ASH1L: variants seen among roughly 807,000 people sequenced by gnomAD.
The protein encoded by ASH1L is histone-lysine N-methyltransferase ASH1L.
ASH1L carries 23 observed loss-of-function variants against 269.0 expected under a neutral mutation model. That is an observed-to-expected ratio of 0.09 (90% CI 0.06 to 0.12). ASH1L has a LOEUF of 0.12. ASH1L is among the 10% of genes least tolerant of loss of function. The pLI, the probability that ASH1L is intolerant of heterozygous loss-of-function variation, is 1.00. For missense variants in ASH1L, 2,912 were observed against 3,567.8 expected, an observed-to-expected ratio of 0.82 and a Z score of 4.68; for synonymous variants, 1,187 against 1,253.5, an observed-to-expected ratio of 0.95 and a Z score of 1.12.
chr1:155,464,302 A>C (rs1428910138), intron 3 of ASH1L, among the ~76,000 whole-genome samples: 1 of 152,224 alleles, frequency 6.6e-6, no homozygotes, highest in Non-Finnish European at 1.5e-5. Flanking sequence ...ACAATTGTAG[A>C]TATCAAAGAG....
At position 155,478,682 on chromosome 1, in the gene ASH1L, T is replaced by C. The variant is rs745327064; in HGVS notation, c.4188A>G (p.Ile1396Met). ...YSPSPLTAAP[I>M]GLGYYGRYPP... ...GATACCTTCCATAGTAACCTAATCC[T>C]ATGGGAGCAGCTGTAAGGGGTGAAG... Residue 1396 changes from isoleucine to methionine, a missense_variant, in exon 3 of 28, where the codon ATA (isoleucine) becomes ATG (methionine). By Grantham distance (10) the Ile-to-Met change is conservative. Around this residue, in one of 13 missense-constraint regions of ASH1L, gnomAD observed 789 missense variants for 897.6 expected, o/e 0.88. Coordinates refer to ENST00000392403, the MANE Select transcript of ASH1L (RefSeq NM_018489.3). This position sits in a 1 kb window ranked among gnomAD's most constrained non-coding sequence, Gnocchi z 4.6. 1.7e-5 allele frequency: 27 copies of C among 1,613,962 alleles called. No homozygotes were observed. The highest frequency in any genetic ancestry group is 2.2e-5 in the Non-Finnish European group (26 of 1,179,986).
At chr1:155,503,642 G>A (rs1359351632) in intron 2 of ASH1L, among the ~76,000 whole-genome samples, 1 of 152,136 alleles carries the variant, frequency 6.6e-6, no homozygotes, top group Non-Finnish European at 1.5e-5. Context: ...GCATAATCCA[G>A]ATTATAGAAA....
rs1304555516 is a variant in ASH1L, at chr1:155,336,573, G to A, written c.*1087C>T. 6.6e-6 allele frequency: 1 copy of A among 152,626 alleles called. No individual in the cohort carries two copies. Among genetic ancestry groups the A allele is most frequent in the African/African-American group, 2.4e-5 (1 of 41,410 alleles). The allele number at this position is 152,626 out of a possible 1,614,324, so 9.5% of individuals were successfully genotyped here. ...TCTGGTCAAGAGAGTAGGAAGGAAG[G>A]AGACACCCTGGATATACCTCCTGAT... On this transcript the variant is annotated 3_prime_UTR_variant, in exon 28 of 28. Coordinates refer to ENST00000392403, the MANE Select transcript of ASH1L (RefSeq NM_018489.3).
chr1:155,472,999 T>C (rs1665223523), intron 3 of ASH1L, among the ~76,000 whole-genome samples: 1 of 152,156 alleles, frequency 6.6e-6, no homozygotes, highest in Non-Finnish European at 1.5e-5. Context: ...TTCACAAAGG[T>C]ATACAGTATG....
At chr1:155,511,170 T>G (rs2148818111) in intron 2 of ASH1L, among the ~76,000 whole-genome samples, 1 of 152,330 alleles carries the variant, frequency 6.6e-6, no homozygotes, top group South Asian at 2.1e-4. Flanking sequence ...ACGAATATAC[T>G]GAAAATGTCT....
Position 155,480,783 on chromosome 1 carries a change from A to G in ASH1L, c.2087T>C (p.Val696Ala), listed in dbSNP as rs1665896127. 2 of 1,613,860 alleles carry G rather than the reference A, an allele frequency of 1.2e-6. No homozygotes were observed. The highest frequency in any genetic ancestry group is 1.7e-6 in the Non-Finnish European group (2 of 1,179,980). Residue 696 changes from valine (V) to alanine (A), a missense_variant, in exon 3 of 28, where the codon GTT becomes GCT. Transcript: ENST00000392403. ...CAAACTAGTACTTAGGCTTTCAGCA[A>G]CTTGGCAGTGTTTGTCTGATGCAGA... ...AVSASDKHCQ[V>A]AESLSTSLQS...
chr1:155,355,782 T>C (rs1330241026), intron 15 of ASH1L, among the ~76,000 whole-genome samples: 2 of 152,198 alleles, frequency 1.3e-5, no homozygotes, highest in Non-Finnish European at 2.9e-5. Flanking sequence ...AAGATAAACT[T>C]TCAACAAATA....
chr1:155,562,409 C>G lies in ASH1L; in HGVS notation c.-356G>C, dbSNP rs532241191. The stretch of plus-strand genomic sequence containing the variant: ...ATCGTCTCCCCTCCGCAAAGCGAAC[C>G]CAAAATGGCGGCGGGAGCGGCGGCG... On this transcript the variant is annotated 5_prime_UTR_variant, in exon 1 of 28. Transcript: ENST00000392403. 6.7e-7 allele frequency: 1 copy of G among 1,494,238 alleles called. No homozygotes were observed. The highest frequency in any genetic ancestry group is 2.5e-5 in the East Asian group (1 of 40,686). 92.6% of individuals were successfully genotyped at this position (1,494,238 alleles called of 1,614,324 possible). A position where few individuals can be genotyped will look rare whatever the true frequency, so the allele number is the denominator to read the frequency against.
Position 155,482,388 on chromosome 1 carries a change from T to A in ASH1L, c.482A>T (p.Glu161Val). 1 of 1,614,124 alleles carries A rather than the reference T, an allele frequency of 6.2e-7. No individual in the cohort carries two copies. Among genetic ancestry groups the A allele is most frequent in the Non-Finnish European group, 8.5e-7 (1 of 1,179,984 alleles). ...TCCCTGTGAATGAAGACGGATGACTTCTTCAGACTGGCATTCAATGGCTGC... is the reference window on the plus strand; with the variant it reads ...TCCCTGTGAATGAAGACGGATGACTACTTCAGACTGGCATTCAATGGCTGC... ...DVAAIECQSE[E>V]VIRLHSQGEN... Residue 161 changes from glutamate (E) to valine (V), a missense_variant, in exon 3 of 28, where the codon GAA (glutamate) becomes GTA (valine). Coordinates refer to ENST00000392403, the MANE Select transcript of ASH1L (RefSeq NM_018489.3).
chr1:155,522,099 AC>A (rs1403496176), intron 1 of ASH1L, among the ~76,000 whole-genome samples: 4 of 152,130 alleles, frequency 2.6e-5, no homozygotes, highest in Admixed American at 6.6e-5. Context: ...TATCACGTTC[AC>A]CCCATAAATA....
intron 21 of ASH1L, among the ~76,000 whole-genome samples, chr1:155,345,103 C>T (rs749445033): frequency 1.3e-5 from 2 of 151,188 alleles, no homozygotes; most frequent in African/African-American, 2.4e-5. Context: ...ACTACAGGCA[C>T]GCAACACCAC....
At position 155,554,083 on chromosome 1, in the gene ASH1L, GT is replaced by G. The variant is rs751768408; in HGVS notation, c.-100+8069del. On this transcript the variant is annotated intron_variant, in intron 1 of 27. Coordinates refer to ENST00000392403, the MANE Select transcript of ASH1L (RefSeq NM_018489.3). ...GTGTAAGCCACTGCGCCCGGCCCGA[GT>G]TTTTTTTTTTTTCCTTTAGAGACAG... Among the ~76,000 whole-genome samples, 939 of 141,606 alleles carry G rather than the reference GT, an allele frequency of 6.6e-3. 7 individuals are homozygous for G. The highest frequency in any genetic ancestry group is 0.021 in the African/African-American group (797 of 38,738). The allele number at this position is 141,606 out of a possible 152,430, so 92.9% of individuals were successfully genotyped here.
At chr1:155,357,870 A>C in intron 13 of ASH1L, 121 bp from the exon 14 acceptor site, 2 of 917,344 alleles carry the variant, frequency 2.2e-6, no homozygotes, top group Non-Finnish European at 3.2e-6. Flanking sequence ...TCCTGGGCTC[A>C]ACTGATCCTC....
At chr1:155,495,968 A>T (rs1667126672) in intron 2 of ASH1L, among the ~76,000 whole-genome samples, 1 of 152,132 alleles carries the variant, frequency 6.6e-6, no homozygotes, top group Non-Finnish European at 1.5e-5. Context: ...ATTGCACTCC[A>T]GCCTGGGCAA....
intron 6 of ASH1L, among the ~76,000 whole-genome samples, chr1:155,397,373 G>A (rs1164977552): frequency 6.6e-6 from 1 of 151,040 alleles, no homozygotes; most frequent in Non-Finnish European, 1.5e-5. Context: ...GGAGCGCGCT[G>A]GTAATCCCAG....
chr1:155,357,250 A>AT (rs1440108852), intron 15 of ASH1L, 66 bp downstream of exon 15: 20 of 1,367,442 alleles, frequency 1.5e-5, no homozygotes, highest in Non-Finnish European at 2.0e-5. Context: ...AAGTTTCATA[A>AT]TTTTTTACAC....
At chr1:155,472,094 T>C (rs1665146425) in intron 3 of ASH1L, among the ~76,000 whole-genome samples, 1 of 152,072 alleles carries the variant, frequency 6.6e-6, no homozygotes, top group South Asian at 2.1e-4. Flanking sequence ...AGTTTGAAAC[T>C]AGCCTGGCCA....
In ASH1L at chr1:155,542,758, C is replaced by T. The variant is rs1304737633; in HGVS notation, c.-100+19395G>A. On this transcript the variant is annotated intron_variant, in intron 1 of 27. Transcript: ENST00000392403. Reference sequence around the variant, plus strand: ...GCAGTGGTGCAATCTTGGCTCACTGCAACCTCCACCTCCCAGGTTCAAGTG... The same window carrying T: ...GCAGTGGTGCAATCTTGGCTCACTGTAACCTCCACCTCCCAGGTTCAAGTG... Among the ~76,000 whole-genome samples the T allele has an allele frequency of 5.4e-5, 8 of 149,504 alleles. No individual in the cohort carries two copies. In the Admixed American group the frequency reaches 5.4e-4, roughly 10 times the overall value.
Position 155,562,671 on chromosome 1 carries a change from G to A in ASH1L, c.-618C>T, listed in dbSNP as rs1335054971. On this transcript the variant is annotated 5_prime_UTR_variant, in exon 1 of 28. Coordinates refer to ENST00000392403, the MANE Select transcript of ASH1L (RefSeq NM_018489.3). The stretch of plus-strand genomic sequence containing the variant: ...ACCAACCACCACCTTCGGCCGCCCC[G>A]CGCGCCAGCCAGCCCGTACGCGCTC... The A allele has an allele frequency of 4.6e-6, 7 of 1,522,802 alleles. No homozygotes were observed. Among genetic ancestry groups the A allele is most frequent in the Non-Finnish European group, 5.3e-6 (6 of 1,138,316 alleles). The allele number at this position is 1,522,802 out of a possible 1,614,324, so 94.3% of individuals were successfully genotyped here.
Sources: gnomAD v4.1 joint callset for allele counts (sites outside exome capture counted in the v4.1 genomes callset) on GRCh38, gnomAD v4.1.1 for gene constraint, gnomAD v4.1.1 regional missense constraint, Gnocchi (gnomAD v3.1) non-coding constraint, MANE v1.5 for transcripts, NCBI Gene and HGNC (gene_info 2026-07-23, HGNC 2026-07-21) for gene names.